Variants in CFAP61 observed in about 807,000 individuals in gnomAD.
CFAP61 encodes cilia- and flagella-associated protein 61.
A neutral mutation model predicts 135.6 loss-of-function variants in CFAP61; 107 were observed. The observed-to-expected ratio is 0.79, with a 90% CI of 0.67 to 0.93. The LOEUF (loss-of-function observed/expected upper bound fraction) is 0.93. Ranked by LOEUF, CFAP61 falls within the 40% of genes least tolerant of loss-of-function variation. CFAP61 has a pLI of 0.00. For missense variants in CFAP61, 1,507 were observed against 1,556.2 expected (o/e 0.97, Z 0.53); for synonymous variants, 575 against 578.5 (o/e 0.99, Z 0.09).
intron 24 of CFAP61, among the ~76,000 whole-genome samples, chr20:20,292,235 A>G (rs1420219095): frequency 1.3e-5 from 2 of 152,236 alleles, no homozygotes; most frequent in African/African-American, 4.8e-5. Flanking sequence ...GGTAGCCAGT[A>G]AGTGGTGAAG....
intron 8 of CFAP61, among the ~76,000 whole-genome samples, chr20:20,118,853 ATT>A (rs199646093): frequency 1.4e-5 from 2 of 144,542 alleles, no homozygotes; most frequent in Non-Finnish European, 3.1e-5. Context: ...TTGGGGAATA[ATT>A]TTTTTTTTTT....
chr20:20,319,389 C>A (rs992396138), intron 25 of CFAP61, among the ~76,000 whole-genome samples: 1 of 152,184 alleles, frequency 6.6e-6, no homozygotes, highest in Non-Finnish European at 1.5e-5. Context: ...GTGTCCCCAC[C>A]CAAATCTCAT....
intron 18 of CFAP61, among the ~76,000 whole-genome samples, chr20:20,234,790 A>C (rs1258962408): frequency 6.6e-6 from 1 of 152,114 alleles, no homozygotes; most frequent in East Asian, 1.9e-4. Flanking sequence ...CAAGGAAGTC[A>C]GAAGCGACGG....
At chr20:20,153,071 C>G (rs2052588677) in intron 9 of CFAP61, among the ~76,000 whole-genome samples, 1 of 152,064 alleles carries the variant, frequency 6.6e-6, no homozygotes, top group Non-Finnish European at 1.5e-5. Flanking sequence ...CAAAAGGAAC[C>G]CTCAAAACTA....
At chr20:20,330,017 T>G (rs1426296430) in intron 25 of CFAP61, among the ~76,000 whole-genome samples, 2 of 152,334 alleles carry the variant, frequency 1.3e-5, no homozygotes, top group Non-Finnish European at 2.9e-5. Context: ...GCATTTGAAA[T>G]GATGCTCACA....
At position 20,191,325 on chromosome 20, in the gene CFAP61, T is replaced by C. The variant is rs768760906; in HGVS notation, c.1513-17T>C. On this transcript the variant is annotated splice_polypyrimidine_tract_variant and intron_variant, in intron 14 of 26. Transcript: ENST00000245957. ...CCATATTTTTAAGGGTCTTAAAATATATGCTTATCTTTTCAGGATGGAACA... is the reference window on the plus strand; with the variant it reads ...CCATATTTTTAAGGGTCTTAAAATACATGCTTATCTTTTCAGGATGGAACA... 1.2e-6 allele frequency: 2 copies of C among 1,609,034 alleles called. No homozygotes were observed. Among genetic ancestry groups the C allele is most frequent in the East Asian group, 2.2e-5 (1 of 44,818 alleles).
At chr20:20,335,556 T>C (rs2058155137) in intron 25 of CFAP61, among the ~76,000 whole-genome samples, 1 of 152,196 alleles carries the variant, frequency 6.6e-6, no homozygotes, top group Non-Finnish European at 1.5e-5. Context: ...GAGTCCTCTT[T>C]TTCCCATACT....
rs555937050 is a variant in CFAP61, at chr20:20,090,811, C to T, written c.567-33C>T. The T allele has an allele frequency of 3.5e-5, 57 of 1,608,650 alleles. No individual in the cohort carries two copies. The South Asian group carries it at 4.1e-4, about 12-fold the overall frequency. ...CTGTTGAAGGAAAAAAATGAGTGAACGAACACTGAACTTCAGCCTTTCTAT... is the reference window on the plus strand; with the variant it reads ...CTGTTGAAGGAAAAAAATGAGTGAATGAACACTGAACTTCAGCCTTTCTAT... On this transcript the variant is annotated intron_variant, in intron 6 of 26. Transcript: ENST00000245957.
At chr20:20,185,401 G>T (rs534807871) in intron 13 of CFAP61, among the ~76,000 whole-genome samples, 3 of 152,124 alleles carry the variant, frequency 2.0e-5, no homozygotes, top group Non-Finnish European at 4.4e-5. Context: ...GTGGAGGCTG[G>T]ACTAGCACTG....
chr20:20,360,423 T>G lies in CFAP61; in HGVS notation c.*13T>G, dbSNP rs1602209992. The G allele has an allele frequency of 1.9e-6, 3 of 1,611,964 alleles. No individual in the cohort carries two copies. Among genetic ancestry groups the G allele is most frequent in the Non-Finnish European group, 2.5e-6 (3 of 1,178,784 alleles). On this transcript the variant is annotated 3_prime_UTR_variant, in exon 27 of 27. Coordinates refer to ENST00000245957, the MANE Select transcript of CFAP61 (RefSeq NM_015585.4). Reference sequence around the variant, plus strand: ...AGGCATCGTTTAGTTGTAGGCAGGGTCTCCCCTTTATGGTTTTCATTTATT... The same window carrying G: ...AGGCATCGTTTAGTTGTAGGCAGGGGCTCCCCTTTATGGTTTTCATTTATT...
At chr20:20,203,011 A>G (rs903399182) in intron 17 of CFAP61, among the ~76,000 whole-genome samples, 1 of 152,072 alleles carries the variant, frequency 6.6e-6, no homozygotes, top group African/African-American at 2.4e-5. Flanking sequence ...AATCTGGCAC[A>G]AGGAAGCAGT....
intron 8 of CFAP61, among the ~76,000 whole-genome samples, chr20:20,106,489 C>T (rs1307769550): frequency 6.6e-6 from 1 of 152,206 alleles, no homozygotes; most frequent in Non-Finnish European, 1.5e-5. Context: ...CCTGTGATAT[C>T]ACAGCCTTGT....
At chr20:20,296,851 T>C (rs1015428527) in intron 24 of CFAP61, among the ~76,000 whole-genome samples, 2 of 152,220 alleles carry the variant, frequency 1.3e-5, no homozygotes, top group Admixed American at 1.3e-4. Context: ...TTTTTTTGAA[T>C]ACATTGTCCC....
intron 21 of CFAP61, among the ~76,000 whole-genome samples, chr20:20,270,533 C>G (rs193129595): frequency 2.0e-5 from 3 of 152,258 alleles, no homozygotes. Flanking sequence ...GTTTTCCTTT[C>G]CTGCGAAGTC....
chr20:20,252,927 T>C (rs976722665), intron 20 of CFAP61, among the ~76,000 whole-genome samples: 4 of 152,214 alleles, frequency 2.6e-5, no homozygotes, highest in Non-Finnish European at 4.4e-5. Context: ...TTTTAATTAT[T>C]CTAGGGTGGG....
At chr20:20,181,364 T>G (rs190408240) in intron 13 of CFAP61, among the ~76,000 whole-genome samples, 109 of 151,712 alleles carry the variant, frequency 7.2e-4, no homozygotes, top group Non-Finnish European at 1.3e-3. Context: ...ATCTTTTTCC[T>G]TCCACTTTCA....
At chr20:20,193,770 C>T (rs550407106) in intron 15 of CFAP61, among the ~76,000 whole-genome samples, 29 of 152,206 alleles carry the variant, frequency 1.9e-4, no homozygotes, top group Middle Eastern at 3.4e-3. Context: ...TGCACCACCA[C>T]GCACGGCTAA....
At chr20:20,343,854 T>G (rs1318668075) in intron 26 of CFAP61, among the ~76,000 whole-genome samples, 1 of 152,184 alleles carries the variant, frequency 6.6e-6, no homozygotes, top group East Asian at 1.9e-4. Flanking sequence ...CCACCACGTT[T>G]CATACAACTC....
rs189929787 is a variant in CFAP61, at chr20:20,340,654, G to A, written c.3423-1177G>A. Among the ~76,000 whole-genome samples, 263 of 152,244 alleles carry A rather than the reference G, an allele frequency of 1.7e-3. 1 individual carries two copies. The highest frequency in any genetic ancestry group is 0.016 in the Admixed American group (245 of 15,296). Reference sequence around the variant, plus strand: ...CAGCACTGGAAATGAGGAAAGCAGCGAGCAGGCGGTTCCGCCACCAGACGG... The same window carrying A: ...CAGCACTGGAAATGAGGAAAGCAGCAAGCAGGCGGTTCCGCCACCAGACGG... On this transcript the variant is annotated intron_variant, in intron 25 of 26. Transcript: ENST00000245957.
Sources: gnomAD v4.1 joint callset for allele counts (sites outside exome capture counted in the v4.1 genomes callset) on GRCh38, gnomAD v4.1.1 for gene constraint, MANE v1.5 for transcripts, NCBI Gene and HGNC (gene_info 2026-07-23, HGNC 2026-07-21) for gene names.